Variants in TJP3 observed in about 807,000 individuals in gnomAD.
The protein encoded by TJP3 is tight junction protein 3, also known as tight junction protein ZO-3.
In TJP3, 85 loss-of-function variants were observed where a neutral mutation model predicts 104.2. That is an observed-to-expected ratio of 0.82 (90% CI 0.68 to 0.98). The LOEUF (loss-of-function observed/expected upper bound fraction) is 0.98, where lower values mean the gene tolerates loss of function less well. Ranked by LOEUF, TJP3 falls within the 50% of genes least tolerant of loss-of-function variation. The pLI is 0.00. For missense variants in TJP3, 1,367 were observed against 1,322.8 expected, an observed-to-expected ratio of 1.03 and a Z score of -0.52; for synonymous variants, 550 against 550.6, an observed-to-expected ratio of 1.00 and a Z score of 0.02.
In TJP3 at chr19:3,723,811, ATATAT is replaced by A. The variant is rs1568379988; in HGVS notation, c.-9-4612_-9-4608del. On this transcript the variant is annotated intron_variant, in intron 1 of 20. Transcript: ENST00000541714. ...CTGTCTCAAAAGAAAAAAAAAAAATATATATATATATATATATAAAATAATAAAAT... is the reference window on the plus strand; with the variant it reads ...CTGTCTCAAAAGAAAAAAAAAAAATAATATATATATATAAAATAATAAAAT... Among the ~76,000 whole-genome samples the A allele has an allele frequency of 1.8e-4, 16 of 87,100 alleles. 1 individual carries two copies. The highest frequency in any genetic ancestry group is 3.3e-4 in the African/African-American group (8 of 23,970). The allele number at this position is 87,100 out of a possible 152,430, so 57.1% of individuals were successfully genotyped here.
rs77375341 is a variant in TJP3 at position 3,712,686 on chromosome 19, C to T, written c.-10+4125C>T. 9.3e-4 allele frequency among the ~76,000 whole-genome samples: 142 copies of T among 152,204 alleles called. 5 individuals carry two copies. The East Asian group carries it at 0.024, about 26-fold the overall frequency. On this transcript the variant is annotated intron_variant, in intron 1 of 20. Coordinates refer to ENST00000541714, the MANE Select transcript of TJP3 (RefSeq NM_001267560.2). ...ATCTTTGGCATGGCTTGGTGGCTCCCGCCTGGAATCCCAACATTTTGGGAG... is the reference window on the plus strand; with the variant it reads ...ATCTTTGGCATGGCTTGGTGGCTCCTGCCTGGAATCCCAACATTTTGGGAG...
chr19:3,715,985 G>C (rs1345498077), intron 1 of TJP3, among the ~76,000 whole-genome samples: 1 of 151,742 alleles, frequency 6.6e-6, no homozygotes, highest in African/African-American at 2.4e-5. Flanking sequence ...CCCCATGTTG[G>C]CCAGGCTGGT....
intron 1 of TJP3, among the ~76,000 whole-genome samples, chr19:3,709,342 C>G (rs1030364654): frequency 6.6e-6 from 1 of 152,124 alleles, no homozygotes; most frequent in Admixed American, 6.6e-5. Context: ...GTGATCCAAC[C>G]CCCTCGGCCT....
At position 3,716,680 on chromosome 19, in the gene TJP3, CAA is replaced by C. The variant is rs1457712382; in HGVS notation, c.-10+8120_-10+8121del. Among the ~76,000 whole-genome samples the C allele has an allele frequency of 3.4e-5, 5 of 146,300 alleles. 1 individual carries two copies. Among genetic ancestry groups the C allele is most frequent in the Non-Finnish European group, 7.6e-5 (5 of 65,406 alleles). ...TAGCTCTGTCACCCAGGCTGGAGTG[CAA>C]GGGCAAGATCATGGATCACTGCAGC... On this transcript the variant is annotated intron_variant, in intron 1 of 20. Transcript: ENST00000541714.
chr19:3,709,303 C>T (rs1308111684), intron 1 of TJP3, among the ~76,000 whole-genome samples: 7 of 152,054 alleles, frequency 4.6e-5, no homozygotes, highest in African/African-American at 1.4e-4. Context: ...ACCATGTTGG[C>T]CAGGCTGGTC....
rs1345646400 is a variant in TJP3, at chr19:3,716,485, A to G, written c.-10+7924A>G. ...AAACAGAGCTGCAGCCAAATCCCTC[A>G]GGCCAGCTCACCATCTGGCCTCAGT... On this transcript the variant is annotated intron_variant, in intron 1 of 20. Coordinates refer to ENST00000541714, the MANE Select transcript of TJP3 (RefSeq NM_001267560.2). Among the ~76,000 whole-genome samples, 3 of 148,226 alleles carry G rather than the reference A, an allele frequency of 2.0e-5. No homozygotes were observed. The Admixed American group carries it at 2.1e-4, about 10-fold the overall frequency.
chr19:3,713,466 G>A (rs1357741956), intron 1 of TJP3, among the ~76,000 whole-genome samples: 3 of 152,210 alleles, frequency 2.0e-5, no homozygotes, highest in South Asian at 2.1e-4. Flanking sequence ...ACAGCCCAGC[G>A]GTGTCTAAGG....
chr19:3,745,657 G>A (rs2036877567), intron 15 of TJP3, among the ~76,000 whole-genome samples: 1 of 152,148 alleles, frequency 6.6e-6, no homozygotes, highest in Non-Finnish European at 1.5e-5. Context: ...GAGCCCTGGA[G>A]TTGGAACTGA....
At chr19:3,728,277 C>G (rs1985864) in intron 1 of TJP3, 147 bp from the exon 2 acceptor site, 260,914 of 1,256,880 alleles carry the variant, frequency 0.21, 29,634 homozygotes, top group South Asian at 0.37. Context: ...ACAAAAAAAC[C>G]TGAGGCCCTG....
At chr19:3,718,497 C>T (rs2145668244) in intron 1 of TJP3, among the ~76,000 whole-genome samples, 1 of 150,908 alleles carries the variant, frequency 6.6e-6, no homozygotes, top group East Asian at 2.0e-4. Context: ...TGGACAGGGC[C>T]TCACTCTGTG....
intron 3 of TJP3, among the ~76,000 whole-genome samples, chr19:3,729,371 C>G (rs938419718): frequency 2.0e-5 from 3 of 151,998 alleles, no homozygotes; most frequent in African/African-American, 7.3e-5. Context: ...CCACCAGGTT[C>G]AGAGAGAAAG....
intron 1 of TJP3, among the ~76,000 whole-genome samples, chr19:3,722,429 GT>G (rs1211347439): frequency 6.6e-6 from 1 of 152,108 alleles, no homozygotes; most frequent in African/African-American, 2.4e-5. Flanking sequence ...GGGGGCTGGG[GT>G]GGCTTTGGTG....
chr19:3,734,487 G>A, intron 8 of TJP3, 52 bp downstream of exon 8: 1 of 1,523,996 alleles, frequency 6.6e-7, no homozygotes, highest in Non-Finnish European at 8.8e-7. Flanking sequence ...AGGGAGGTGG[G>A]AGGGAGAGGG....
intron 11 of TJP3, among the ~76,000 whole-genome samples, 174 bp downstream of exon 11, chr19:3,736,495 C>T (rs578106816): frequency 6.6e-6 from 1 of 152,288 alleles, no homozygotes; most frequent in East Asian, 1.9e-4. Context: ...GCTGATGTCA[C>T]GACCTTATCT....
intron 1 of TJP3, among the ~76,000 whole-genome samples, chr19:3,718,446 T>C (rs1195741887): frequency 1.3e-5 from 2 of 150,140 alleles, no homozygotes; most frequent in Non-Finnish European, 3.0e-5. Flanking sequence ...AGCATTTTCT[T>C]TTCTTGCGGT....
At chr19:3,729,497 A>G (rs1294868439) in intron 3 of TJP3, among the ~76,000 whole-genome samples, 4 of 151,952 alleles carry the variant, frequency 2.6e-5, no homozygotes. Flanking sequence ...CTGTAGCTTC[A>G]AGGCCGGGTG....
In TJP3 at chr19:3,734,049, C is replaced by A. The variant is rs994965762; in HGVS notation, c.877+137C>A. The A allele has an allele frequency of 1.8e-5, 22 of 1,198,904 alleles. No individual in the cohort carries two copies. In the Admixed American group the frequency reaches 5.0e-4, roughly 27 times the overall value. 74.3% of individuals were successfully genotyped at this position (1,198,904 alleles called of 1,614,324 possible). Reference sequence around the variant, plus strand: ...AGTGACAGGAACTTGCTGAAGGCCACACAGCAAGTCAAGAGTTCAGGGGGG... The same window carrying A: ...AGTGACAGGAACTTGCTGAAGGCCAAACAGCAAGTCAAGAGTTCAGGGGGG... On this transcript the variant is annotated intron_variant, in intron 7 of 20. Coordinates refer to ENST00000541714, the MANE Select transcript of TJP3 (RefSeq NM_001267560.2).
chr19:3,717,692 C>T (rs1227276695), intron 1 of TJP3, among the ~76,000 whole-genome samples: 1 of 152,014 alleles, frequency 6.6e-6, no homozygotes, highest in African/African-American at 2.4e-5. Context: ...CCTTGGCCTC[C>T]CAGAGTGCTG....
chr19:3,716,563 C>T (rs1328769059), intron 1 of TJP3, among the ~76,000 whole-genome samples: 1 of 147,466 alleles, frequency 6.8e-6, no homozygotes, highest in Admixed American at 6.9e-5. Context: ...GGGGCTGCAG[C>T]CAAGCATATG....
Sources: gnomAD v4.1 joint callset for allele counts (sites outside exome capture counted in the v4.1 genomes callset) on GRCh38, gnomAD v4.1.1 for gene constraint, MANE v1.5 for transcripts, NCBI Gene and HGNC (gene_info 2026-07-23, HGNC 2026-07-21) for gene names.